SLCO3A1: variants seen among roughly 807,000 people sequenced by gnomAD.
The protein encoded by SLCO3A1 is PGE1 transporter.
In SLCO3A1, 27 loss-of-function variants were observed where a neutral mutation model predicts 63.1. That is an observed-to-expected ratio of 0.43 (90% confidence interval 0.32 to 0.59). The LOEUF (loss-of-function observed/expected upper bound fraction) is 0.59, where lower values mean the gene tolerates loss of function less well. SLCO3A1 is among the 20% of genes least tolerant of loss of function. SLCO3A1 has a pLI of 0.09. For missense variants in SLCO3A1, 773 were observed against 945.8 expected (o/e 0.82, Z 2.40); for synonymous variants, 473 against 409.9 (o/e 1.15, Z -1.86).
At chr15:92,147,238 A>G (rs2048239178) in intron 8 of SLCO3A1, 79 bp downstream of exon 8, 2 of 1,401,272 alleles carry the variant, frequency 1.4e-6, no homozygotes, top group Non-Finnish European at 2.0e-6. Flanking sequence ...CCAGAGCTTC[A>G]GACAACAGGA....
intron 2 of SLCO3A1, among the ~76,000 whole-genome samples, chr15:91,935,887 A>G (rs1899395594): frequency 6.6e-6 from 1 of 152,092 alleles, no homozygotes. Context: ...AAGGGACACC[A>G]CAGTTAGCCT....
intron 2 of SLCO3A1, among the ~76,000 whole-genome samples, chr15:92,059,545 C>T (rs1183824204): frequency 6.6e-6 from 1 of 152,194 alleles, no homozygotes; most frequent in Non-Finnish European, 1.5e-5. Flanking sequence ...CGCCTGTGAG[C>T]AGCGGCTGGC....
chr15:92,029,058 TTTAA>T (rs1316095413), intron 2 of SLCO3A1, among the ~76,000 whole-genome samples: 1 of 152,148 alleles, frequency 6.6e-6, no homozygotes, highest in Non-Finnish European at 1.5e-5. Flanking sequence ...AAGTAAATAC[TTTAA>T]TTAAATTACA....
chr15:92,002,941 C>G (rs2046272498), intron 2 of SLCO3A1, among the ~76,000 whole-genome samples: 1 of 152,118 alleles, frequency 6.6e-6, no homozygotes, highest in African/African-American at 2.4e-5. Flanking sequence ...TTCAACATCC[C>G]AAGCCTCAAT....
At chr15:92,116,387 A>G (rs1195957009) in intron 4 of SLCO3A1, among the ~76,000 whole-genome samples, 3 of 152,182 alleles carry the variant, frequency 2.0e-5, no homozygotes, top group Non-Finnish European at 4.4e-5. Flanking sequence ...CGCTCTTTCC[A>G]CCTTTGTGTC....
In SLCO3A1 at chr15:91,863,135, A is replaced by G. The variant is rs1483462177; in HGVS notation, c.180+9047A>G. On this transcript the variant is annotated intron_variant, in intron 1 of 9. Transcript: ENST00000318445. This position sits in a 1 kb window ranked among gnomAD's most constrained non-coding sequence, Gnocchi z 4.3. ...CAGCATGGACCCATATGTGTTTATT[A>G]TGTAAGATTCAATTATGGTGATCCA... 1.3e-5 allele frequency among the ~76,000 whole-genome samples: 2 copies of G among 152,264 alleles called. No individual in the cohort carries two copies. Among genetic ancestry groups the G allele is most frequent in the Non-Finnish European group, 2.9e-5 (2 of 68,042 alleles).
In SLCO3A1 at chr15:91,887,310, T is replaced by A. The variant is rs139427524; in HGVS notation, c.181-28683T>A. On this transcript the variant is annotated intron_variant, in intron 1 of 9. Coordinates refer to ENST00000318445, the MANE Select transcript of SLCO3A1 (RefSeq NM_013272.4). ...AGAGGGCAGAATGGCTTGAGCTATT[T>A]CCTGCCTGAGTTTTGATGTCGAGAC... is the stretch of plus-strand genomic sequence containing the variant. 4.2e-3 allele frequency among the ~76,000 whole-genome samples: 644 copies of A among 152,248 alleles called. 26 individuals carry two copies. Among genetic ancestry groups the A allele is most frequent in the Admixed American group, 0.037 (568 of 15,288 alleles).
chr15:91,868,590 T>C (rs183996980), intron 1 of SLCO3A1, among the ~76,000 whole-genome samples: 1 of 152,274 alleles, frequency 6.6e-6, no homozygotes, highest in Admixed American at 6.5e-5. Context: ...GTAAAGGATG[T>C]GGGCTTTGGG....
chr15:92,061,835 A>G (rs1290132626), intron 2 of SLCO3A1, among the ~76,000 whole-genome samples: 2 of 152,200 alleles, frequency 1.3e-5, no homozygotes, highest in Admixed American at 1.3e-4. Context: ...ATGCACATGT[A>G]CATCCTTACA....
chr15:92,111,685 A>C (rs567110836), intron 4 of SLCO3A1, among the ~76,000 whole-genome samples: 1 of 152,166 alleles, frequency 6.6e-6, no homozygotes, highest in Non-Finnish European at 1.5e-5. Flanking sequence ...GCACTTCTCA[A>C]GTTATTTCAG....
At chr15:92,042,969 G>T (rs1433322923) in intron 2 of SLCO3A1, among the ~76,000 whole-genome samples, 1 of 152,118 alleles carries the variant, frequency 6.6e-6, no homozygotes, top group Non-Finnish European at 1.5e-5. Context: ...GAAGATAAGA[G>T]AGAGATTCTA....
downstream of SLCO3A1, among the ~76,000 whole-genome samples, chr15:92,169,916 C>G (rs1474096459): frequency 1.3e-5 from 2 of 152,180 alleles, no homozygotes; most frequent in African/African-American, 2.4e-5. Context: ...AACAGAATAT[C>G]CAGACATTTC....
intron 2 of SLCO3A1, among the ~76,000 whole-genome samples, chr15:91,920,385 C>T (rs555793923): frequency 1.3e-5 from 2 of 152,252 alleles, no homozygotes; most frequent in South Asian, 4.1e-4. Context: ...GGTGGGAAGA[C>T]AGCAGTGTGT....
intron 2 of SLCO3A1, among the ~76,000 whole-genome samples, chr15:91,935,988 G>A (rs1364093273): frequency 6.6e-6 from 1 of 152,182 alleles, no homozygotes; most frequent in Non-Finnish European, 1.5e-5. Context: ...CCTAACATAG[G>A]CAGATCATCG....
intron 2 of SLCO3A1, among the ~76,000 whole-genome samples, chr15:91,980,077 C>T (rs569158605): frequency 7.9e-5 from 12 of 152,298 alleles, no homozygotes; most frequent in African/African-American, 2.6e-4. Context: ...GCTGGATTTG[C>T]ACATTTCTTT....
At chr15:92,039,617 G>A (rs2046772172) in intron 2 of SLCO3A1, among the ~76,000 whole-genome samples, 1 of 152,192 alleles carries the variant, frequency 6.6e-6, no homozygotes, top group African/African-American at 2.4e-5. Flanking sequence ...CACTGTTGGT[G>A]GGAATGTAAA....
chr15:91,957,014 TATAGTATATATA>T (rs1900221286), intron 2 of SLCO3A1, among the ~76,000 whole-genome samples: 1 of 14,580 alleles, frequency 6.9e-5, no homozygotes, highest in African/African-American at 7.3e-4. Context: ...ATATATAATA[TATAGTATATATA>T]ATATATAATA....
intron 2 of SLCO3A1, among the ~76,000 whole-genome samples, chr15:92,078,404 A>G (rs933898957): frequency 3.9e-5 from 6 of 152,268 alleles, no homozygotes; most frequent in African/African-American, 1.4e-4. Flanking sequence ...AGCAGGACAC[A>G]CCTGAGCCCA....
intron 2 of SLCO3A1, among the ~76,000 whole-genome samples, chr15:92,016,475 A>G (rs2046439235): frequency 6.6e-6 from 1 of 152,126 alleles, no homozygotes; most frequent in Non-Finnish European, 1.5e-5. Context: ...TGAAGGCTAA[A>G]GGAAGGAATG....
Sources: gnomAD v4.1 joint callset for allele counts (sites outside exome capture counted in the v4.1 genomes callset) on GRCh38, gnomAD v4.1.1 for gene constraint, Gnocchi (gnomAD v3.1) non-coding constraint, MANE v1.5 for transcripts, NCBI Gene and HGNC (gene_info 2026-07-23, HGNC 2026-07-21) for gene names.